Variants in ASB18 observed in about 807,000 individuals in gnomAD.
ASB18 encodes ankyrin repeat and SOCS box containing 18, also known as ankyrin repeat and SOCS box protein 18.
ASB18 carries 33 observed loss-of-function variants against 33.4 expected under a neutral mutation model. The observed-to-expected ratio is 0.99, with a 90% CI of 0.75 to 1.32. The LOEUF (loss-of-function observed/expected upper bound fraction) is 1.32. Among genes scored for constraint, ASB18 ranks in the 40% most tolerant of loss-of-function variants. ASB18 has a pLI of 0.00. For synonymous variants in ASB18, 295 were observed against 307.6 expected (o/e 0.96, Z 0.43); for missense variants, 694 against 655.5 (o/e 1.06, Z -0.64).
In ASB18 at chr2:236,194,847, A is replaced by G. The variant is rs750119646; in HGVS notation, c.*25T>C. ...ATGGAAGGTCAGCGAGGAGAACAAC[A>G]GTATTGGTTGCAGCGTTCTGCGTTT... On this transcript the variant is annotated 3_prime_UTR_variant, in exon 6 of 6. Coordinates refer to ENST00000409749, the MANE Select transcript of ASB18 (RefSeq NM_212556.4). This position sits in a 1 kb window ranked among gnomAD's most constrained non-coding sequence, Gnocchi z 4.5. The G allele has an allele frequency of 1.2e-5, 19 of 1,600,134 alleles. No individual in the cohort carries two copies. Among genetic ancestry groups the G allele is most frequent in the South Asian group, 2.3e-5 (2 of 88,674 alleles).
rs1022041680 is a variant in ASB18, at chr2:236,252,113, G to T, written c.206-10711C>A. Among the ~76,000 whole-genome samples, 2 of 152,092 alleles carry T rather than the reference G, an allele frequency of 1.3e-5. No individual in the cohort carries two copies. The highest frequency in any genetic ancestry group is 2.9e-5 in the Non-Finnish European group (2 of 68,004). ...GGGTAAAACCCCGTCTCTACTAAAA[G>T]TACAAAAATCAGCTGAGGGTGGTGG... On this transcript the variant is annotated intron_variant, in intron 1 of 5. Transcript: ENST00000409749. The surrounding 1 kb of genome is among the most constrained non-coding windows in gnomAD (Gnocchi z 7.9).
At position 236,253,168 on chromosome 2, in the gene ASB18, A is replaced by G. The variant is rs2060675516; in HGVS notation, c.205+10973T>C. ...CCTGAGCTCACGAGCCACTGGGAGG[A>G]TGGTGGGTGTGTTCCTGGCACACAA... On this transcript the variant is annotated intron_variant, in intron 1 of 5. Coordinates refer to ENST00000409749, the MANE Select transcript of ASB18 (RefSeq NM_212556.4). This position sits in a 1 kb window ranked among gnomAD's most constrained non-coding sequence, Gnocchi z 5.4. Among the ~76,000 whole-genome samples, 1 of 152,042 alleles carries G rather than the reference A, an allele frequency of 6.6e-6. No homozygotes were observed. Among genetic ancestry groups the G allele is most frequent in the African/African-American group, 2.4e-5 (1 of 41,418 alleles).
rs2060639654 is a variant in ASB18 at position 236,245,310 on chromosome 2, GGT to G, written c.206-3910_206-3909del. 1.3e-5 allele frequency among the ~76,000 whole-genome samples: 2 copies of G among 152,150 alleles called. No individual in the cohort carries two copies. Among genetic ancestry groups the G allele is most frequent in the South Asian group, 4.2e-4 (2 of 4,818 alleles). ...ACTCTGTGTCAGGTGTATCCCTGCAGGTTGATACCCTTGATGTCATTTGCAGG... is the reference window on the plus strand; with the variant it reads ...ACTCTGTGTCAGGTGTATCCCTGCAGTGATACCCTTGATGTCATTTGCAGG... On this transcript the variant is annotated intron_variant, in intron 1 of 5. Transcript: ENST00000409749. The surrounding 1 kb of genome is among the most constrained non-coding windows in gnomAD (Gnocchi z 4.7).
intron 4 of ASB18, among the ~76,000 whole-genome samples, chr2:236,212,398 T>G (rs2060462755): frequency 6.6e-6 from 1 of 152,192 alleles, no homozygotes; most frequent in East Asian, 1.9e-4. Context: ...CTAGAAATGA[T>G]GCCTGTGGGG....
rs1215868892 is a variant in ASB18, at chr2:236,213,987, C to T, written c.1101+375G>A. ...TTCTGAAAATGACACTGATGATGAG[C>T]TGCCAAAATATTTTGAGCTCTGACT... On this transcript the variant is annotated intron_variant, in intron 4 of 5. Transcript: ENST00000409749. The surrounding 1 kb of genome is among the most constrained non-coding windows in gnomAD (Gnocchi z 4.8). The T allele has an allele frequency of 1.9e-5, 4 of 209,520 alleles. No homozygotes were observed. The highest frequency in any genetic ancestry group is 4.6e-5 in the African/African-American group (2 of 43,236). The allele number at this position is 209,520 out of a possible 1,614,324, so 13.0% of individuals were successfully genotyped here.
rs2060661152 is a variant in ASB18, at chr2:236,249,764, T to G, written c.206-8362A>C. 6.6e-6 allele frequency: 1 copy of G among 151,974 alleles called. No individual in the cohort carries two copies. Among genetic ancestry groups the G allele is most frequent in the Non-Finnish European group, 1.5e-5 (1 of 68,028 alleles). The allele number at this position is 151,974 out of a possible 1,614,324, so 9.4% of individuals were successfully genotyped here. On this transcript the variant is annotated intron_variant, in intron 1 of 5. Coordinates refer to ENST00000409749, the MANE Select transcript of ASB18 (RefSeq NM_212556.4). This position sits in a 1 kb window ranked among gnomAD's most constrained non-coding sequence, Gnocchi z 4.6. The stretch of plus-strand genomic sequence containing the variant: ...TGGTCTTTTGCTGCAGACCATGAAG[T>G]GAATTTAGGAAAAGGAAGGCAAGAA...
intron 4 of ASB18, among the ~76,000 whole-genome samples, chr2:236,212,251 G>A (rs1291834032): frequency 6.6e-6 from 1 of 152,166 alleles, no homozygotes; most frequent in African/African-American, 2.4e-5. Context: ...GGCTGACATA[G>A]TACTGGGGAT....
rs983162857 is a variant in ASB18, at chr2:236,196,629, C to T, written c.1102-244G>A. ...CCTCCTTCCCATCATGATGGCCGCCCAGCCAAAGTCTGGGCCAAGTGCTTA... is the reference window on the plus strand; with the variant it reads ...CCTCCTTCCCATCATGATGGCCGCCTAGCCAAAGTCTGGGCCAAGTGCTTA... On this transcript the variant is annotated intron_variant, in intron 4 of 5. Coordinates refer to ENST00000409749, the MANE Select transcript of ASB18 (RefSeq NM_212556.4). The surrounding 1 kb of genome is among the most constrained non-coding windows in gnomAD (Gnocchi z 5.6). 1.7e-4 allele frequency among the ~76,000 whole-genome samples: 26 copies of T among 152,164 alleles called. No individual in the cohort carries two copies. Among genetic ancestry groups the T allele is most frequent in the Non-Finnish European group, 3.5e-4 (24 of 68,010 alleles).
chr2:236,245,981 G>A lies in ASB18; in HGVS notation c.206-4579C>T, dbSNP rs553077399. Among the ~76,000 whole-genome samples the A allele has an allele frequency of 1.3e-5, 2 of 152,278 alleles. No individual in the cohort carries two copies. Among genetic ancestry groups the A allele is most frequent in the East Asian group, 1.9e-4 (1 of 5,174 alleles). Reference sequence around the variant, plus strand: ...CTAGGGCAGGTCTCAGGTGCTCAGCGTGGGGACCTACCTCAGATCTGTGGG... The same window carrying A: ...CTAGGGCAGGTCTCAGGTGCTCAGCATGGGGACCTACCTCAGATCTGTGGG... On this transcript the variant is annotated intron_variant, in intron 1 of 5. Coordinates refer to ENST00000409749, the MANE Select transcript of ASB18 (RefSeq NM_212556.4). The surrounding 1 kb of genome is among the most constrained non-coding windows in gnomAD (Gnocchi z 4.7).
intron 3 of ASB18, among the ~76,000 whole-genome samples, chr2:236,227,601 G>A (rs977783213): frequency 7.9e-5 from 12 of 152,224 alleles, no homozygotes; most frequent in Non-Finnish European, 1.6e-4. Flanking sequence ...GGCCTCAAAT[G>A]TGGTAAAATA....
rs1475984896 is a variant in ASB18, at chr2:236,196,670, A to T, written c.1102-285T>A. On this transcript the variant is annotated intron_variant, in intron 4 of 5. Coordinates refer to ENST00000409749, the MANE Select transcript of ASB18 (RefSeq NM_212556.4). This position sits in a 1 kb window ranked among gnomAD's most constrained non-coding sequence, Gnocchi z 5.6. Reference sequence around the variant, plus strand: ...CAAGTGCTTAAGCATTCAGGTTCCCAGGGGGGCTATGCTGGTGGCTTGGCA... The same window carrying T: ...CAAGTGCTTAAGCATTCAGGTTCCCTGGGGGGCTATGCTGGTGGCTTGGCA... Among the ~76,000 whole-genome samples, 1 of 152,194 alleles carries T rather than the reference A, an allele frequency of 6.6e-6. No individual in the cohort carries two copies. The highest frequency in any genetic ancestry group is 1.9e-4 in the East Asian group (1 of 5,198).
Position 236,260,526 on chromosome 2 carries a change from C to A in ASB18, c.205+3615G>T, listed in dbSNP as rs1218058514. ...TTTCTCCCATCAAGGATGGTCCCCC[C>A]AAACTCGCCCTTACCTTGAGAAAGA... On this transcript the variant is annotated intron_variant, in intron 1 of 5. Transcript: ENST00000409749. This position sits in a 1 kb window ranked among gnomAD's most constrained non-coding sequence, Gnocchi z 5.1. Among the ~76,000 whole-genome samples the A allele has an allele frequency of 2.0e-5, 3 of 152,210 alleles. No individual in the cohort carries two copies. Among genetic ancestry groups the A allele is most frequent in the Non-Finnish European group, 4.4e-5 (3 of 68,038 alleles).
In ASB18 at chr2:236,235,239, C is replaced by T. The variant is rs144229028; in HGVS notation, c.596+2450G>A. Among the ~76,000 whole-genome samples, 1,132 of 152,282 alleles carry T rather than the reference C, an allele frequency of 7.4e-3. 5 individuals carry two copies. Among genetic ancestry groups the T allele is most frequent in the Non-Finnish European group, 9.4e-3 (639 of 68,028 alleles). On this transcript the variant is annotated intron_variant, in intron 3 of 5. Transcript: ENST00000409749. This position sits in a 1 kb window ranked among gnomAD's most constrained non-coding sequence, Gnocchi z 6.2. ...AGTGGTCCCATAAGATTATACTGTA[C>T]GTTTTCTATGTTTAGATACACAAAT...
In ASB18 at chr2:236,211,435, C is replaced by T. The variant is rs368732009; in HGVS notation, c.1101+2927G>A. ...TGTCCGCCTGCCGCGACGATGGTGC[C>T]TTTGTCTGGGCATGGGGAGCTGTGA... On this transcript the variant is annotated intron_variant, in intron 4 of 5. Transcript: ENST00000409749. The surrounding 1 kb of genome is among the most constrained non-coding windows in gnomAD (Gnocchi z 5.0). 1.3e-5 allele frequency among the ~76,000 whole-genome samples: 2 copies of T among 152,262 alleles called. No individual in the cohort carries two copies. The highest frequency in any genetic ancestry group is 1.9e-4 in the East Asian group (1 of 5,200).
chr2:236,215,000 C>T lies in ASB18; in HGVS notation c.597-134G>A. 1 of 433,572 alleles carries T rather than the reference C, an allele frequency of 2.3e-6. No individual in the cohort carries two copies. The highest frequency in any genetic ancestry group is 3.3e-6 in the Non-Finnish European group (1 of 298,628). The allele number at this position is 433,572 out of a possible 1,614,324, so 26.9% of individuals were successfully genotyped here. A position where few individuals can be genotyped will look rare whatever the true frequency, so the allele number is the denominator to read the frequency against. ...GCTCCGCTCTCCCATACCAAGGCGT[C>T]AGGAGTTCAAACTAAACTGGAAAAA... On this transcript the variant is annotated intron_variant, in intron 3 of 5. Transcript: ENST00000409749. This position sits in a 1 kb window ranked among gnomAD's most constrained non-coding sequence, Gnocchi z 6.5.
rs552801487 is a variant in ASB18 at position 236,241,967 on chromosome 2, G to A, written c.206-565C>T. Among the ~76,000 whole-genome samples the A allele has an allele frequency of 7.2e-4, 110 of 152,220 alleles. No homozygotes were observed. In the South Asian group the frequency reaches 0.016, roughly 23 times the overall value. ...GGTGACCAGAATACTTAGCAAATAA[G>A]TAATATCCTCTCAGATTTTTTTTTA... On this transcript the variant is annotated intron_variant, in intron 1 of 5. Coordinates refer to ENST00000409749, the MANE Select transcript of ASB18 (RefSeq NM_212556.4). This position sits in a 1 kb window ranked among gnomAD's most constrained non-coding sequence, Gnocchi z 4.2.
intron 1 of ASB18, among the ~76,000 whole-genome samples, chr2:236,246,017 C>T (rs940306073): frequency 6.6e-6 from 1 of 152,122 alleles, no homozygotes; most frequent in African/African-American, 2.4e-5. Flanking sequence ...CTTTACTGCA[C>T]AGCCCACCTT....
At position 236,214,604 on chromosome 2, in the gene ASB18, C is replaced by T. The variant is rs1172850110; in HGVS notation, c.859G>A (p.Asp287Asn). The stretch of plus-strand genomic sequence containing the variant: ...CTGCGCTCGTCCTCGTCGCGCGCGT[C>T]CGCCTCCGCCCCGCGCCGCAGCAGC... ...ALLLRRGAEA[D>N]ARDEDERSPL... Residue 287 changes from aspartate (D) to asparagine (N), a missense_variant, in exon 4 of 6, where the codon GAC (aspartate) becomes AAC (asparagine). Transcript: ENST00000409749. The surrounding 1 kb of genome is among the most constrained non-coding windows in gnomAD (Gnocchi z 6.5). 9.3e-5 allele frequency: 114 copies of T among 1,227,422 alleles called. No individual in the cohort carries two copies. In the East Asian group the frequency reaches 4.0e-3, roughly 43 times the overall value. 76.0% of individuals were successfully genotyped at this position (1,227,422 alleles called of 1,614,324 possible).
chr2:236,209,186 A>G lies in ASB18; in HGVS notation c.1101+5176T>C, dbSNP rs1014604000. Among the ~76,000 whole-genome samples, 4 of 152,136 alleles carry G rather than the reference A, an allele frequency of 2.6e-5. No homozygotes were observed. Among genetic ancestry groups the G allele is most frequent in the Non-Finnish European group, 5.9e-5 (4 of 68,026 alleles). On this transcript the variant is annotated intron_variant, in intron 4 of 5. Coordinates refer to ENST00000409749, the MANE Select transcript of ASB18 (RefSeq NM_212556.4). This position sits in a 1 kb window ranked among gnomAD's most constrained non-coding sequence, Gnocchi z 4.4. ...TTTAGTAATTAGGTAAAAAGAAAAC[A>G]TGAAAACTTTAGGTCTCCATTTTCA... is the stretch of plus-strand genomic sequence containing the variant.
Sources: allele counts gnomAD v4.1 joint callset (sites outside exome capture counted in the v4.1 genomes callset), GRCh38; gene constraint gnomAD v4.1.1; non-coding constraint Gnocchi (gnomAD v3.1); transcripts MANE v1.5; gene names NCBI Gene and HGNC (gene_info 2026-07-23, HGNC 2026-07-21).